ITGA9: variants seen among roughly 807,000 people sequenced by gnomAD.
ITGA9 encodes integrin subunit alpha 9, also known as integrin alpha-9.
A neutral mutation model predicts 127.8 loss-of-function variants in ITGA9; 56 were observed. The ratio of observed to expected loss-of-function variants is 0.44; its 90% confidence interval spans 0.35 to 0.55. ITGA9 has a LOEUF of 0.55. ITGA9 is among the 20% of genes least tolerant of loss of function. The pLI, the probability that ITGA9 is intolerant of heterozygous loss-of-function variation, is 0.00. For synonymous variants in ITGA9, 508 were observed against 514.5 expected (o/e 0.99, Z 0.17); for missense variants, 1,196 against 1,347.1 (o/e 0.89, Z 1.76).
At chr3:37,687,566 C>T (rs1359896871) in intron 18 of ITGA9, among the ~76,000 whole-genome samples, 2 of 152,186 alleles carry the variant, frequency 1.3e-5, no homozygotes, top group African/African-American at 4.8e-5. Context: ...CTACAAATAG[C>T]TTCATGAAAT....
chr3:37,459,779 G>A lies in ITGA9; in HGVS notation c.185+7220G>A, dbSNP rs545846486. Among the ~76,000 whole-genome samples the A allele has an allele frequency of 6.6e-5, 10 of 152,314 alleles. No individual in the cohort carries two copies. In the South Asian group the frequency reaches 1.2e-3, roughly 19 times the overall value. On this transcript the variant is annotated intron_variant, in intron 1 of 27. Transcript: ENST00000264741. Reference sequence around the variant, plus strand: ...AATCCGAGTTTGGGGGCTTCAGGGCGCTCAAACATCTGTCTTGTGAAGTTC... The same window carrying A: ...AATCCGAGTTTGGGGGCTTCAGGGCACTCAAACATCTGTCTTGTGAAGTTC...
At chr3:37,592,596 T>G (rs1178095456) in intron 15 of ITGA9, among the ~76,000 whole-genome samples, 1 of 152,098 alleles carries the variant, frequency 6.6e-6, no homozygotes, top group East Asian at 1.9e-4. Context: ...TGGGAATGAC[T>G]CCACATATCA....
chr3:37,724,838 GTGTC>G (rs1701229851), intron 18 of ITGA9, among the ~76,000 whole-genome samples: 1 of 152,136 alleles, frequency 6.6e-6, no homozygotes, highest in Admixed American at 6.5e-5. Context: ...TCCCCATTCT[GTGTC>G]TGACATCTTG....
chr3:37,730,772 C>T (rs773450937), intron 18 of ITGA9, among the ~76,000 whole-genome samples: 16 of 152,142 alleles, frequency 1.1e-4, no homozygotes, highest in Non-Finnish European at 5.9e-5. Flanking sequence ...GGGGACAAGA[C>T]AGAGGAAGAA....
chr3:37,548,316 T>C (rs1308507091), intron 15 of ITGA9, among the ~76,000 whole-genome samples: 1 of 152,152 alleles, frequency 6.6e-6, no homozygotes, highest in Non-Finnish European at 1.5e-5. Flanking sequence ...CTGATGATGA[T>C]TGACTTCAAA....
At chr3:37,696,459 G>T (rs925785679) in intron 18 of ITGA9, among the ~76,000 whole-genome samples, 16 of 152,174 alleles carry the variant, frequency 1.1e-4, no homozygotes, top group African/African-American at 3.9e-4. Flanking sequence ...CAACGATGTT[G>T]TCAATGTGTT....
chr3:37,542,141 T>C (rs1699278773), intron 14 of ITGA9, among the ~76,000 whole-genome samples: 1 of 152,174 alleles, frequency 6.6e-6, no homozygotes, highest in Non-Finnish European at 1.5e-5. Context: ...CTGGCTCAGT[T>C]GATACCTCAT....
intron 1 of ITGA9, among the ~76,000 whole-genome samples, chr3:37,465,712 G>T (rs889241096): frequency 6.6e-6 from 1 of 152,208 alleles, no homozygotes; most frequent in African/African-American, 2.4e-5. Flanking sequence ...GCCTGATGGG[G>T]AGGGGAAGGT....
intron 16 of ITGA9, among the ~76,000 whole-genome samples, chr3:37,640,310 G>A (rs1345848818): frequency 1.3e-5 from 2 of 152,154 alleles, no homozygotes; most frequent in Non-Finnish European, 2.9e-5. Context: ...CGGAATAGGA[G>A]GTCAGAGAGA....
chr3:37,665,253 G>A (rs1700575252), intron 17 of ITGA9, among the ~76,000 whole-genome samples: 1 of 152,068 alleles, frequency 6.6e-6, no homozygotes, highest in African/African-American at 2.4e-5. Context: ...GGGATTACAG[G>A]TGTGAGCCAC....
At chr3:37,513,555 T>C (rs531418208) in intron 8 of ITGA9, among the ~76,000 whole-genome samples, 2 of 152,210 alleles carry the variant, frequency 1.3e-5, no homozygotes, top group Admixed American at 6.5e-5. Context: ...CATTTAACAT[T>C]AGGTATATCT....
At chr3:37,794,458 A>C (rs1697148786) in intron 26 of ITGA9, among the ~76,000 whole-genome samples, 3 of 152,190 alleles carry the variant, frequency 2.0e-5, no homozygotes, top group South Asian at 2.1e-4. Context: ...GGAGCACATC[A>C]TGCTCAGACT....
At chr3:37,682,567 C>A (rs1479077352) in intron 17 of ITGA9, among the ~76,000 whole-genome samples, 1 of 152,204 alleles carries the variant, frequency 6.6e-6, no homozygotes, top group African/African-American at 2.4e-5. Context: ...CGTTTCTAGT[C>A]TGTCCCAAAT....
At chr3:37,654,030 C>T (rs1238020398) in intron 17 of ITGA9, among the ~76,000 whole-genome samples, 2 of 152,024 alleles carry the variant, frequency 1.3e-5, no homozygotes, top group African/African-American at 4.8e-5. Flanking sequence ...CACAATGTAG[C>T]TTGTATTTCT....
At chr3:37,542,389 T>G (rs1264582851) in intron 14 of ITGA9, 36 bp from the exon 15 acceptor site, 2 of 1,611,528 alleles carry the variant, frequency 1.2e-6, no homozygotes, top group Admixed American at 3.3e-5. Context: ...AGTGTGTCGG[T>G]CCTTTCTGAC....
chr3:37,720,202 G>T (rs985804888), intron 18 of ITGA9, among the ~76,000 whole-genome samples: 1 of 152,204 alleles, frequency 6.6e-6, no homozygotes, highest in African/African-American at 2.4e-5. Flanking sequence ...GAGCAGAGTA[G>T]AAGGGGGTTT....
chr3:37,799,336 A>T lies in ITGA9; in HGVS notation c.2890-4487A>T. On this transcript the variant is annotated intron_variant, in intron 26 of 27. Coordinates refer to ENST00000264741, the MANE Select transcript of ITGA9 (RefSeq NM_002207.3). This position sits in a 1 kb window ranked among gnomAD's most constrained non-coding sequence, Gnocchi z 4.0. The stretch of plus-strand genomic sequence containing the variant: ...TGGGACTACAGACATACACCATCAC[A>T]CCTGGCTGATTTTTGTATTTTTAGT... Among the ~76,000 whole-genome samples, 1 of 152,160 alleles carries T rather than the reference A, an allele frequency of 6.6e-6. No individual in the cohort carries two copies.
intron 24 of ITGA9, among the ~76,000 whole-genome samples, 163 bp from the exon 25 acceptor site, chr3:37,779,739 A>T (rs1344374259): frequency 1.3e-5 from 2 of 152,340 alleles, no homozygotes; most frequent in East Asian, 3.9e-4. Flanking sequence ...AATCCCTTGA[A>T]TGCCCTCTGG....
At chr3:37,687,362 GAAA>G (rs1700791771) in intron 18 of ITGA9, among the ~76,000 whole-genome samples, 1 of 151,584 alleles carries the variant, frequency 6.6e-6, no homozygotes. Flanking sequence ...AGAATTCAGA[GAAA>G]AAGAACAAAG....
Sources: gnomAD v4.1 joint callset for allele counts (sites outside exome capture counted in the v4.1 genomes callset) on GRCh38, gnomAD v4.1.1 for gene constraint, Gnocchi (gnomAD v3.1) non-coding constraint, MANE v1.5 for transcripts, NCBI Gene and HGNC (gene_info 2026-07-23, HGNC 2026-07-21) for gene names.